HTR1E: variants seen among roughly 807,000 people sequenced by gnomAD.
HTR1E encodes the protein 5-hydroxytryptamine receptor 1E, also known as 5-HT-1E.
In HTR1E, 3 loss-of-function variants were observed where a neutral mutation model predicts 3.4. The ratio of observed to expected loss-of-function variants is 0.89; its 90% confidence interval spans 0.41 to 2.31. HTR1E has a LOEUF of 2.31. Among genes scored for constraint, HTR1E ranks in the 30% most tolerant of loss-of-function variants. HTR1E has a pLI of 0.05. For missense variants in HTR1E, 392 were observed against 467.0 expected, an observed-to-expected ratio of 0.84 and a Z score of 1.48; for synonymous variants, 170 against 182.8, an observed-to-expected ratio of 0.93 and a Z score of 0.56.
intron 1 of HTR1E, among the ~76,000 whole-genome samples, chr6:86,978,509 T>A (rs987914864): frequency 6.6e-6 from 1 of 152,180 alleles, no homozygotes; most frequent in Non-Finnish European, 1.5e-5. Flanking sequence ...AGCATTTATG[T>A]CTTGATAACA....
intron 1 of HTR1E, among the ~76,000 whole-genome samples, chr6:86,967,065 T>C (rs1210324000): frequency 6.6e-6 from 1 of 152,146 alleles, no homozygotes; most frequent in Admixed American, 6.5e-5. Flanking sequence ...GGCTGAGTGA[T>C]ATAGTATAAT....
rs115486622 is a variant in HTR1E, at chr6:86,985,686, C to A, written c.-185-29464C>A. On this transcript the variant is annotated intron_variant, in intron 1 of 1. Coordinates refer to ENST00000305344, the MANE Select transcript of HTR1E (RefSeq NM_000865.3). Reference sequence around the variant, plus strand: ...TTAACTGGGTGATGGGTCCTCTTAACAGCCCAGCTTCACTCAGATCTGCCT... The same window carrying A: ...TTAACTGGGTGATGGGTCCTCTTAAAAGCCCAGCTTCACTCAGATCTGCCT... Among the ~76,000 whole-genome samples, 342 of 152,288 alleles carry A rather than the reference C, an allele frequency of 2.2e-3. 3 individuals carry two copies. The highest frequency in any genetic ancestry group is 7.8e-3 in the African/African-American group (325 of 41,572).
chr6:86,990,469 C>T (rs1314638156), intron 1 of HTR1E, among the ~76,000 whole-genome samples: 5 of 152,008 alleles, frequency 3.3e-5, no homozygotes, highest in South Asian at 4.2e-4. Context: ...ACAGGACAAA[C>T]GAAAACAGTC....
chr6:86,967,879 A>T (rs1767494543), intron 1 of HTR1E, among the ~76,000 whole-genome samples: 1 of 152,224 alleles, frequency 6.6e-6, no homozygotes, highest in South Asian at 2.1e-4. Flanking sequence ...TTGTTGGAGC[A>T]TGAAAGGGCA....
intron 1 of HTR1E, among the ~76,000 whole-genome samples, chr6:86,992,064 CTACCCAAACT>C (rs1037432748): frequency 6.6e-6 from 1 of 152,118 alleles, no homozygotes; most frequent in East Asian, 1.9e-4. Flanking sequence ...GTTTCAGTTC[CTACCCAAACT>C]GTCCCCCTCT....
At chr6:87,008,877 G>C (rs1768157743) in intron 1 of HTR1E, among the ~76,000 whole-genome samples, 1 of 152,082 alleles carries the variant, frequency 6.6e-6, no homozygotes, top group South Asian at 2.1e-4. Flanking sequence ...CACAGAAGCT[G>C]TGTCTCAATC....
intron 1 of HTR1E, among the ~76,000 whole-genome samples, chr6:86,995,553 C>A (rs1408055633): frequency 6.7e-6 from 1 of 150,048 alleles, no homozygotes; most frequent in African/African-American, 2.4e-5. Flanking sequence ...GTAATCCCAG[C>A]TACTCGGAAG....
intron 1 of HTR1E, among the ~76,000 whole-genome samples, chr6:87,003,425 G>A (rs1172059015): frequency 6.6e-6 from 1 of 152,052 alleles, no homozygotes; most frequent in East Asian, 1.9e-4. Context: ...TGTAGCCCCA[G>A]CTACTTGAGA....
At chr6:86,947,467 T>C (rs548377562) in intron 1 of HTR1E, among the ~76,000 whole-genome samples, 16 of 152,272 alleles carry the variant, frequency 1.1e-4, no homozygotes, top group South Asian at 8.3e-4. Context: ...GGATTTTTTT[T>C]CCTGCTTATA....
chr6:87,001,067 T>A (rs1221700870), intron 1 of HTR1E, among the ~76,000 whole-genome samples: 1 of 152,196 alleles, frequency 6.6e-6, no homozygotes, highest in Non-Finnish European at 1.5e-5. Context: ...ATGAAATTAG[T>A]CTGTTTTAAG....
At chr6:86,972,314 G>A (rs1767569690) in intron 1 of HTR1E, among the ~76,000 whole-genome samples, 1 of 151,986 alleles carries the variant, frequency 6.6e-6, no homozygotes, top group African/African-American at 2.4e-5. Context: ...AGCTATGCAG[G>A]GGTTAAAGGT....
chr6:87,008,986 T>G (rs369185352), intron 1 of HTR1E, among the ~76,000 whole-genome samples: 1 of 152,294 alleles, frequency 6.6e-6, no homozygotes, highest in South Asian at 2.1e-4. Context: ...AATGATAGTT[T>G]TGGTTTGCTT....
intron 1 of HTR1E, among the ~76,000 whole-genome samples, chr6:86,939,756 A>C (rs1768519916): frequency 6.6e-6 from 1 of 152,212 alleles, no homozygotes; most frequent in South Asian, 2.1e-4. Flanking sequence ...TCAAGTTTTC[A>C]TTCTTTCCTC....
chr6:87,007,023 G>A (rs1449267436), intron 1 of HTR1E, among the ~76,000 whole-genome samples: 1 of 152,124 alleles, frequency 6.6e-6, no homozygotes, highest in African/African-American at 2.4e-5. Context: ...AATCACCATG[G>A]CACACGTTTA....
At chr6:86,981,296 T>G (rs546482995) in intron 1 of HTR1E, among the ~76,000 whole-genome samples, 16 of 152,340 alleles carry the variant, frequency 1.1e-4, no homozygotes, top group African/African-American at 3.6e-4. Context: ...CTACTTTAAA[T>G]TAAATATTAG....
intron 1 of HTR1E, among the ~76,000 whole-genome samples, chr6:87,002,378 G>C (rs953262932): frequency 2.0e-5 from 3 of 152,216 alleles, no homozygotes; most frequent in Non-Finnish European, 2.9e-5. Context: ...TTATTGTGAA[G>C]AGCAAAAGAA....
chr6:86,995,292 T>TAATAATAAATAAATA (rs1767920016), intron 1 of HTR1E, among the ~76,000 whole-genome samples: 1 of 144,074 alleles, frequency 6.9e-6, no homozygotes, highest in Non-Finnish European at 1.5e-5. Flanking sequence ...CTCTATAATA[T>TAATAATAAATAAATA]AATAAATAAA....
At chr6:87,013,889 A>G (rs532383861) in intron 1 of HTR1E, among the ~76,000 whole-genome samples, 1 of 152,336 alleles carries the variant, frequency 6.6e-6, no homozygotes, top group East Asian at 1.9e-4. Flanking sequence ...AACATATGAA[A>G]AAAAGCTCAT....
At chr6:86,962,938 A>G (rs1767429012) in intron 1 of HTR1E, among the ~76,000 whole-genome samples, 1 of 152,210 alleles carries the variant, frequency 6.6e-6, no homozygotes, top group African/African-American at 2.4e-5. Context: ...TGTATTTACT[A>G]CACTATACTT....
Sources: allele counts gnomAD v4.1 joint callset (sites outside exome capture counted in the v4.1 genomes callset), GRCh38; gene constraint gnomAD v4.1.1; transcripts MANE v1.5; gene names NCBI Gene and HGNC (gene_info 2026-07-23, HGNC 2026-07-21).